LPAR1: variants seen among roughly 807,000 people sequenced by gnomAD.
The protein encoded by LPAR1 is LPA receptor 1.
Under a neutral mutation model 23.8 loss-of-function variants are expected in LPAR1, and 5 were observed. The ratio of observed to expected loss-of-function variants is 0.21; its 90% CI spans 0.11 to 0.44. The LOEUF is 0.44. Ranked by LOEUF, LPAR1 falls within the 20% of genes least tolerant of loss-of-function variation. The pLI, the probability that LPAR1 is intolerant of heterozygous loss-of-function variation, is 0.99. For missense variants in LPAR1, 311 were observed against 482.8 expected (o/e 0.64, Z 3.33); for synonymous variants, 160 against 164.7 (o/e 0.97, Z 0.22).
At chr9:110,952,674 C>G (rs903803816) in intron 4 of LPAR1, among the ~76,000 whole-genome samples, 2 of 152,154 alleles carry the variant, frequency 1.3e-5, no homozygotes, top group African/African-American at 2.4e-5. Context: ...CTCCAACCAC[C>G]TGTCTGTGGT....
chr9:110,902,963 C>T (rs999456376), intron 5 of LPAR1, among the ~76,000 whole-genome samples: 1 of 152,210 alleles, frequency 6.6e-6, no homozygotes, highest in Non-Finnish European at 1.5e-5. Context: ...ACCACAAAGT[C>T]TCTGAAAATG....
intron 4 of LPAR1, among the ~76,000 whole-genome samples, chr9:110,965,106 G>A (rs2096164517): frequency 6.6e-6 from 1 of 151,950 alleles, no homozygotes; most frequent in Admixed American, 6.6e-5. Flanking sequence ...TCTGACAGGT[G>A]ATCCACCAGT....
chr9:111,037,733 T>C (rs975381207), intron 1 of LPAR1: 3 of 151,984 alleles, frequency 2.0e-5, no homozygotes, highest in African/African-American at 7.3e-5. Flanking sequence ...GGGACGAGGT[T>C]TTGGGAGAAT....
intron 5 of LPAR1, among the ~76,000 whole-genome samples, chr9:110,930,998 A>G (rs1027139655): frequency 6.6e-6 from 1 of 152,206 alleles, no homozygotes; most frequent in African/African-American, 2.4e-5. Flanking sequence ...ACAATTCTGG[A>G]AGCTTCCCTT....
chr9:110,993,167 C>T (rs1466668570), intron 2 of LPAR1, among the ~76,000 whole-genome samples: 1 of 151,912 alleles, frequency 6.6e-6, no homozygotes, highest in East Asian at 1.9e-4. Flanking sequence ...GGTACATGTG[C>T]ACCACGTGCA....
intron 4 of LPAR1, among the ~76,000 whole-genome samples, chr9:110,965,198 G>C (rs535593563): frequency 4.6e-5 from 7 of 152,020 alleles, no homozygotes. Flanking sequence ...CACTGAATGA[G>C]AATTGGAGGA....
intron 2 of LPAR1, among the ~76,000 whole-genome samples, chr9:111,027,704 G>C (rs1234471545): frequency 2.6e-5 from 4 of 151,780 alleles, no homozygotes; most frequent in Admixed American, 6.6e-5. Context: ...TTTGAGTTAA[G>C]ACATGAAAAT....
intron 2 of LPAR1, among the ~76,000 whole-genome samples, chr9:111,021,045 C>T (rs929018875): frequency 6.6e-5 from 10 of 151,940 alleles, no homozygotes; most frequent in Admixed American, 2.6e-4. Flanking sequence ...AATAAATGAA[C>T]TTGAAAGACT....
intron 2 of LPAR1, among the ~76,000 whole-genome samples, chr9:111,011,297 G>T (rs1008990439): frequency 2.0e-5 from 3 of 152,144 alleles, no homozygotes; most frequent in Non-Finnish European, 2.9e-5. Flanking sequence ...AAACTTCTGA[G>T]GTCTAGTTCT....
At chr9:110,988,601 A>C (rs560114467) in intron 2 of LPAR1, among the ~76,000 whole-genome samples, 1 of 128,438 alleles carries the variant, frequency 7.8e-6, no homozygotes, top group South Asian at 2.8e-4. Flanking sequence ...TTCACACTTC[A>C]TAACTACTAG....
chr9:110,929,609 G>A (rs891528559), intron 5 of LPAR1, among the ~76,000 whole-genome samples: 1 of 151,726 alleles, frequency 6.6e-6, no homozygotes, highest in Non-Finnish European at 1.5e-5. Context: ...TTGAACTCCA[G>A]GATAATATGG....
At chr9:111,024,648 CCATAAACTCGCCATCTA>C (rs1232380818) in intron 2 of LPAR1, among the ~76,000 whole-genome samples, 1 of 150,976 alleles carries the variant, frequency 6.6e-6, no homozygotes, top group South Asian at 2.1e-4. Flanking sequence ...TTTGCTGCAC[CCATAAACTCGCCATCTA>C]CATTAGGTAT....
chr9:110,917,461 A>G (rs1202576014), intron 5 of LPAR1, among the ~76,000 whole-genome samples: 1 of 152,216 alleles, frequency 6.6e-6, no homozygotes, highest in Admixed American at 6.5e-5. Context: ...GCCAACCAAT[A>G]TATTAGAAAG....
chr9:110,915,259 G>A (rs545158308), intron 5 of LPAR1, among the ~76,000 whole-genome samples: 2 of 152,266 alleles, frequency 1.3e-5, no homozygotes, highest in Non-Finnish European at 2.9e-5. Flanking sequence ...ACAACAGGTC[G>A]GGCATGGTGG....
intron 5 of LPAR1, among the ~76,000 whole-genome samples, chr9:110,888,566 A>G (rs1346144315): frequency 6.7e-5 from 3 of 44,484 alleles, no homozygotes; most frequent in East Asian, 3.6e-4. Context: ...AACCCAGCAG[A>G]AAAAAAAAAA....
chr9:111,025,906 A>G (rs541359590), intron 2 of LPAR1, among the ~76,000 whole-genome samples: 1 of 152,088 alleles, frequency 6.6e-6, no homozygotes, highest in South Asian at 2.1e-4. Flanking sequence ...ATTGGTCTTT[A>G]TATCTGTTTT....
intron 2 of LPAR1, among the ~76,000 whole-genome samples, chr9:110,994,087 C>A (rs1375384752): frequency 6.6e-6 from 1 of 152,028 alleles, no homozygotes; most frequent in East Asian, 1.9e-4. Context: ...ATCAAGTGAT[C>A]AAAATAACAT....
chr9:110,881,117 A>G (rs1325761014), intron 5 of LPAR1, among the ~76,000 whole-genome samples: 1 of 152,220 alleles, frequency 6.6e-6, no homozygotes, highest in Non-Finnish European at 1.5e-5. Flanking sequence ...TTGAAACTAT[A>G]TAATTTACCT....
At chr9:110,919,401 C>T (rs1187115814) in intron 5 of LPAR1, among the ~76,000 whole-genome samples, 1 of 152,140 alleles carries the variant, frequency 6.6e-6, no homozygotes, top group Non-Finnish European at 1.5e-5. Context: ...AACTGGTACG[C>T]AGACTTCAGC....
Sources: allele counts gnomAD v4.1 joint callset (sites outside exome capture counted in the v4.1 genomes callset), GRCh38; gene constraint gnomAD v4.1.1; transcripts MANE v1.5; gene names NCBI Gene and HGNC (gene_info 2026-07-23, HGNC 2026-07-21).